CNPY1: variants seen among roughly 807,000 people sequenced by gnomAD.
The protein encoded by CNPY1 is canopy FGF signaling regulator 1.
In CNPY1, 14 loss-of-function variants were observed where a neutral mutation model predicts 14.4. That is an observed-to-expected ratio of 0.97 (90% CI 0.64 to 1.52). The LOEUF (loss-of-function observed/expected upper bound fraction) is 1.52. Among genes scored for constraint, CNPY1 ranks in the 40% most tolerant of loss-of-function variants. The pLI, the probability that CNPY1 is intolerant of heterozygous loss-of-function variation, is 0.00. For missense variants in CNPY1, 129 were observed against 131.5 expected, an observed-to-expected ratio of 0.98 and a Z score of 0.09; for synonymous variants, 43 against 46.5, an observed-to-expected ratio of 0.92 and a Z score of 0.31.
At position 155,536,791 on chromosome 7, in the gene CNPY1, C is replaced by T. The variant is rs1797029914; in HGVS notation, c.99+9040G>A. Among the ~76,000 whole-genome samples, 1 of 152,196 alleles carries T rather than the reference C, an allele frequency of 6.6e-6. No homozygotes were observed. Among genetic ancestry groups the T allele is most frequent in the African/African-American group, 2.4e-5 (1 of 41,452 alleles). On this transcript the variant is annotated intron_variant, in intron 2 of 4. Coordinates refer to ENST00000636446, the MANE Select transcript of CNPY1 (RefSeq NM_001393663.1). This position sits in a 1 kb window ranked among gnomAD's most constrained non-coding sequence, Gnocchi z 4.1. ...ACGACATGAGCAAGAAGTCAACTCTCAACGCTCGTGGTGATCCACACTGAC... is the reference window on the plus strand; with the variant it reads ...ACGACATGAGCAAGAAGTCAACTCTTAACGCTCGTGGTGATCCACACTGAC...
chr7:155,509,717 T>C (rs969519824), intron 2 of CNPY1, among the ~76,000 whole-genome samples: 1 of 152,126 alleles, frequency 6.6e-6, no homozygotes, highest in African/African-American at 2.4e-5. Context: ...AGGAAGGGGC[T>C]CACGGACGGG....
At chr7:155,537,115 C>G (rs1371131753) in intron 2 of CNPY1, among the ~76,000 whole-genome samples, 1 of 152,194 alleles carries the variant, frequency 6.6e-6, no homozygotes, top group Non-Finnish European at 1.5e-5. Context: ...ACTCCGCATG[C>G]TAACATCTTC....
At chr7:155,522,447 G>C (rs1053403712) in intron 2 of CNPY1, among the ~76,000 whole-genome samples, 4 of 152,264 alleles carry the variant, frequency 2.6e-5, no homozygotes, top group African/African-American at 7.2e-5. Context: ...GGGTGTCCCT[G>C]CTGGGGGCTT....
At chr7:155,535,776 T>C (rs1797016552) in intron 2 of CNPY1, among the ~76,000 whole-genome samples, 1 of 152,178 alleles carries the variant, frequency 6.6e-6, no homozygotes, top group Admixed American at 6.5e-5. Flanking sequence ...TTCTATGGGA[T>C]CAGGGTCGTG....
rs1216344408 is a variant in CNPY1, at chr7:155,506,933, G to A, written c.400+87C>T. ...AGCCGTGGATCGCAGAGGCAGCGAGGCTCGGTCTGCAAACAAGACGCTGCA... is the reference window on the plus strand; with the variant it reads ...AGCCGTGGATCGCAGAGGCAGCGAGACTCGGTCTGCAAACAAGACGCTGCA... On this transcript the variant is annotated intron_variant, in intron 4 of 4. Transcript: ENST00000636446. 3.5e-6 allele frequency: 3 copies of A among 855,860 alleles called. No homozygotes were observed. In the East Asian group the frequency reaches 7.5e-5, roughly 21 times the overall value. The allele number at this position is 855,860 out of a possible 1,614,324, so 53.0% of individuals were successfully genotyped here. A position where few individuals can be genotyped will look rare whatever the true frequency, so the allele number is the denominator to read the frequency against.
chr7:155,539,381 A>G (rs1797058711), intron 2 of CNPY1, among the ~76,000 whole-genome samples: 1 of 152,216 alleles, frequency 6.6e-6, no homozygotes. Context: ...GATATTTAAT[A>G]TATATTTCTA....
intron 2 of CNPY1, among the ~76,000 whole-genome samples, chr7:155,542,106 G>A (rs188323839): frequency 1.1e-3 from 173 of 152,268 alleles, no homozygotes; most frequent in South Asian, 8.5e-3. Context: ...GCAGTGGGAC[G>A]CTCGATGTGG....
intron 4 of CNPY1, 127 bp downstream of exon 4, chr7:155,506,893 G>A (rs1796331830): frequency 1.5e-6 from 1 of 676,236 alleles, no homozygotes; most frequent in Non-Finnish European, 2.6e-6. Flanking sequence ...GCGGAGACGG[G>A]GGATCCTGTG....
chr7:155,520,428 C>CTTTTTT (rs71522007), intron 2 of CNPY1, among the ~76,000 whole-genome samples: 28 of 69,408 alleles, frequency 4.0e-4, no homozygotes, highest in Admixed American at 6.3e-4. Context: ...TTCTTTCTTT[C>CTTTTTT]TTTTTTTTTT....
At chr7:155,511,511 G>A (rs911549654) in intron 2 of CNPY1, among the ~76,000 whole-genome samples, 1 of 152,168 alleles carries the variant, frequency 6.6e-6, no homozygotes, top group African/African-American at 2.4e-5. Flanking sequence ...CCTACCAGTG[G>A]ATTGTTTTTA....
chr7:155,509,638 C>A (rs898491102), intron 2 of CNPY1, among the ~76,000 whole-genome samples: 2 of 152,148 alleles, frequency 1.3e-5, no homozygotes, highest in African/African-American at 4.8e-5. Context: ...CCGGGGCTGC[C>A]CTTGGCTGCG....
intron 2 of CNPY1, among the ~76,000 whole-genome samples, chr7:155,519,907 C>T (rs550592022): frequency 6.6e-6 from 1 of 152,316 alleles, no homozygotes; most frequent in East Asian, 1.9e-4. Context: ...TAACAGAGTG[C>T]TCAATAAGAA....
chr7:155,534,441 G>A, intron 2 of CNPY1, among the ~76,000 whole-genome samples: 1 of 152,156 alleles, frequency 6.6e-6, no homozygotes, highest in Non-Finnish European at 1.5e-5. Flanking sequence ...GCACTTGCAT[G>A]TGCACACACA....
intron 2 of CNPY1, among the ~76,000 whole-genome samples, chr7:155,513,823 C>T (rs2116699539): frequency 6.6e-6 from 1 of 152,222 alleles, no homozygotes; most frequent in African/African-American, 2.4e-5. Flanking sequence ...ACACACTTTC[C>T]TTTTATTATT....
intron 2 of CNPY1, among the ~76,000 whole-genome samples, chr7:155,509,941 C>A (rs1451090597): frequency 6.6e-6 from 1 of 152,170 alleles, no homozygotes; most frequent in African/African-American, 2.4e-5. Context: ...GTGCAGGATG[C>A]GGCGTCCCCG....
rs567914429 is a variant in CNPY1, at chr7:155,516,284, A to C, written c.100-7187T>G. 2.6e-5 allele frequency among the ~76,000 whole-genome samples: 4 copies of C among 152,360 alleles called. No individual in the cohort carries two copies. In the East Asian group the frequency reaches 7.7e-4, roughly 29 times the overall value. ...TTCTGAATGATGGCAGAATATGGCT[A>C]GAACATTTGTGAAAAATCAGTTATG... is the stretch of plus-strand genomic sequence containing the variant. On this transcript the variant is annotated intron_variant, in intron 2 of 4. Transcript: ENST00000636446.
intron 2 of CNPY1, chr7:155,518,489 G>A (rs1563090290): frequency 1.3e-5 from 2 of 152,282 alleles, no homozygotes; most frequent in South Asian, 2.1e-4. Context: ...GCACAAAGAC[G>A]GCACCTTTGG....
Position 155,503,086 on chromosome 7 carries a change from A to G in CNPY1, c.420T>C (p.Ala140=). The G allele has an allele frequency of 6.2e-7, 1 of 1,604,836 alleles. No homozygotes were observed. Residue 140 remains alanine, a synonymous_variant, in exon 5 of 5, where the codon GCT becomes GCC. Coordinates refer to ENST00000636446, the MANE Select transcript of CNPY1 (RefSeq NM_001393663.1). ...GGCACTCCTAGAGCTCAGTATGATT[A>G]GCAGAAGTTTCACACAGATCTGGAA... ...SEKSDLCETS[A]NHTEL is the part of the protein sequence containing the mutation.
intron 2 of CNPY1, chr7:155,510,492 C>T (rs918028638): frequency 3.9e-5 from 6 of 152,254 alleles, no homozygotes; most frequent in African/African-American, 1.2e-4. Context: ...AACATCCCTC[C>T]TTCTCCCCCA....
Sources: allele counts gnomAD v4.1 joint callset (sites outside exome capture counted in the v4.1 genomes callset), GRCh38; gene constraint gnomAD v4.1.1; non-coding constraint Gnocchi (gnomAD v3.1); transcripts MANE v1.5; gene names NCBI Gene and HGNC (gene_info 2026-07-23, HGNC 2026-07-21).